The following PRDM5 variants were observed in gnomAD, a reference collection of about 807,000 sequenced individuals.
PRDM5 encodes the protein PR/SET domain 5, also known as PR domain zinc finger protein 5.
In PRDM5, 56 loss-of-function variants were observed where a neutral mutation model predicts 81.2. The ratio of observed to expected loss-of-function variants is 0.69; its 90% CI spans 0.56 to 0.86. PRDM5 has a LOEUF of 0.86. Among genes scored for constraint, PRDM5 ranks in the 40% least tolerant of loss-of-function variants. PRDM5 has a pLI of 0.00. For synonymous variants in PRDM5, 267 were observed against 256.4 expected, an observed-to-expected ratio of 1.04 and a Z score of -0.39; for missense variants, 697 against 770.1, an observed-to-expected ratio of 0.91 and a Z score of 1.12.
chr4:120,793,192 C>T (rs997834381), intron 10 of PRDM5, among the ~76,000 whole-genome samples: 21 of 152,208 alleles, frequency 1.4e-4, no homozygotes, highest in Middle Eastern at 3.4e-3. Context: ...CCTGTGAGAT[C>T]AGTGGCGGCA....
chr4:120,807,301 C>T lies in PRDM5; in HGVS notation c.945+4069G>A, dbSNP rs965641042. Among the ~76,000 whole-genome samples the T allele has an allele frequency of 5.9e-5, 9 of 152,182 alleles. No homozygotes were observed. In the East Asian group the frequency reaches 9.6e-4, roughly 16 times the overall value. On this transcript the variant is annotated intron_variant, in intron 8 of 15. Coordinates refer to ENST00000264808, the MANE Select transcript of PRDM5 (RefSeq NM_018699.4). ...GTGGAAGACAGTGTAGTGATTCCTC[C>T]GGGAGCTAGAACTAGAAATACCATT...
chr4:120,778,484 CTTG>C (rs1748509916), intron 12 of PRDM5, among the ~76,000 whole-genome samples: 1 of 152,006 alleles, frequency 6.6e-6, no homozygotes, highest in Admixed American at 6.6e-5. Flanking sequence ...TCCATATTAA[CTTG>C]TTAACATTAA....
intron 6 of PRDM5, 33 bp downstream of exon 6, chr4:120,816,799 T>C (rs545128798): frequency 3.2e-6 from 5 of 1,580,242 alleles, no homozygotes; most frequent in Admixed American, 1.7e-5. Flanking sequence ...CCCACAATTA[T>C]ATAACAGCCA....
intron 2 of PRDM5, among the ~76,000 whole-genome samples, chr4:120,859,200 C>A (rs1760271950): frequency 1.3e-5 from 2 of 150,608 alleles, no homozygotes; most frequent in African/African-American, 4.9e-5. Context: ...AACATACATA[C>A]CATGTCAACT....
At chr4:120,717,930 C>A (rs954975864) in intron 14 of PRDM5, among the ~76,000 whole-genome samples, 14 of 151,958 alleles carry the variant, frequency 9.2e-5, no homozygotes, top group Non-Finnish European at 2.1e-4. Context: ...CTTAATAGTT[C>A]TCTTTCATGA....
At position 120,771,850 on chromosome 4, in the gene PRDM5, C is replaced by T. The variant is rs190213099; in HGVS notation, c.1537+5338G>A. On this transcript the variant is annotated intron_variant, in intron 13 of 15. Coordinates refer to ENST00000264808, the MANE Select transcript of PRDM5 (RefSeq NM_018699.4). ...CAATTCATTTAACTTTGGAAAAGTA[C>T]TCTTAACAAGGAGTGATATTATAGA... Among the ~76,000 whole-genome samples the T allele has an allele frequency of 3.1e-3, 471 of 152,232 alleles. 3 individuals are homozygous for T. The highest frequency in any genetic ancestry group is 0.011 in the African/African-American group (458 of 41,554).
At position 120,692,245 on chromosome 4, in the gene PRDM5, TG is replaced by T. The variant is rs1734101261; in HGVS notation, c.*2865del. 1 of 152,124 alleles carries T rather than the reference TG, an allele frequency of 6.6e-6. No individual in the cohort carries two copies. Among genetic ancestry groups the T allele is most frequent in the African/African-American group, 2.4e-5 (1 of 41,454 alleles). The allele number at this position is 152,124 out of a possible 1,614,324, so 9.4% of individuals were successfully genotyped here. Reference sequence around the variant, plus strand: ...CAGAAACTAAGGCTGTAAGACCTTCTGTAATACATGTTCACACTCATGCATG... The same window carrying T: ...CAGAAACTAAGGCTGTAAGACCTTCTTAATACATGTTCACACTCATGCATG... On this transcript the variant is annotated 3_prime_UTR_variant, in exon 16 of 16. Transcript: ENST00000264808.
chr4:120,769,978 C>T (rs578054871), intron 13 of PRDM5, among the ~76,000 whole-genome samples: 7 of 152,150 alleles, frequency 4.6e-5, no homozygotes, highest in African/African-American at 7.2e-5. Context: ...TGCATCTACA[C>T]GGTTGCTCTC....
At chr4:120,878,959 T>C (rs1762583054) in intron 2 of PRDM5, among the ~76,000 whole-genome samples, 1 of 152,194 alleles carries the variant, frequency 6.6e-6, no homozygotes, top group Admixed American at 6.5e-5. Context: ...TGGTACAGCC[T>C]CTTTGGAAGA....
At chr4:120,802,775 C>T (rs576474360) in intron 8 of PRDM5, among the ~76,000 whole-genome samples, 2 of 152,254 alleles carry the variant, frequency 1.3e-5, no homozygotes, top group South Asian at 4.1e-4. Flanking sequence ...AGCAGAAAAG[C>T]TGAAAATTTT....
intron 13 of PRDM5, among the ~76,000 whole-genome samples, chr4:120,774,272 T>C (rs1747729445): frequency 6.6e-6 from 1 of 152,168 alleles, no homozygotes; most frequent in African/African-American, 2.4e-5. Flanking sequence ...CCCTAAATAA[T>C]GTACAACTAA....
intron 8 of PRDM5, among the ~76,000 whole-genome samples, chr4:120,801,566 A>T (rs1752122479): frequency 6.6e-6 from 1 of 152,262 alleles, no homozygotes. Context: ...ATGTCATTCC[A>T]CAAGAGTCTG....
intron 13 of PRDM5, among the ~76,000 whole-genome samples, chr4:120,773,472 T>C (rs1270895623): frequency 6.6e-6 from 1 of 152,130 alleles, no homozygotes; most frequent in South Asian, 2.1e-4. Context: ...AAAGTAAACA[T>C]AAAAGATCTG....
intron 14 of PRDM5, 53 bp downstream of exon 14, chr4:120,754,500 A>T: frequency 1.6e-6 from 2 of 1,273,560 alleles, no homozygotes; most frequent in Non-Finnish European, 2.3e-6. Flanking sequence ...TATTTCTTTT[A>T]AAATAAGTAT....
At chr4:120,816,357 A>C in intron 7 of PRDM5, 96 bp downstream of exon 7, 1 of 1,599,538 alleles carries the variant, frequency 6.3e-7, no homozygotes, top group Non-Finnish European at 8.6e-7. Flanking sequence ...ACAATGGAAA[A>C]GCCAGCTCTC....
intron 11 of PRDM5, among the ~76,000 whole-genome samples, chr4:120,782,607 G>A (rs34821143): frequency 1.3e-5 from 2 of 152,132 alleles, no homozygotes; most frequent in Non-Finnish European, 2.9e-5. Context: ...TACAATGCAT[G>A]AACTATGTGG....
chr4:120,825,093 C>A (rs910522957), intron 3 of PRDM5, among the ~76,000 whole-genome samples: 3 of 152,094 alleles, frequency 2.0e-5, no homozygotes, highest in Non-Finnish European at 2.9e-5. Flanking sequence ...GCTCAGGGTT[C>A]AAAGTCTCAC....
chr4:120,853,556 C>T lies in PRDM5; in HGVS notation c.178-16G>A. 1 of 1,613,478 alleles carries T rather than the reference C, an allele frequency of 6.2e-7. No homozygotes were observed. Among genetic ancestry groups the T allele is most frequent in the Non-Finnish European group, 8.5e-7 (1 of 1,179,552 alleles). On this transcript the variant is annotated splice_polypyrimidine_tract_variant and intron_variant, in intron 2 of 15. Coordinates refer to ENST00000264808, the MANE Select transcript of PRDM5 (RefSeq NM_018699.4). ...TCCCACGAACCTGAAACATTAAAGGCTCCTGAGTTTACAATGGAAGTCAGA... is the reference window on the plus strand; with the variant it reads ...TCCCACGAACCTGAAACATTAAAGGTTCCTGAGTTTACAATGGAAGTCAGA...
intron 2 of PRDM5, among the ~76,000 whole-genome samples, chr4:120,892,247 T>C (rs1431035376): frequency 6.6e-6 from 1 of 152,120 alleles, no homozygotes; most frequent in Non-Finnish European, 1.5e-5. Context: ...TGTGGTCAAT[T>C]TTAGAGTATG....
Sources: gnomAD v4.1 joint callset for allele counts (sites outside exome capture counted in the v4.1 genomes callset) on GRCh38, gnomAD v4.1.1 for gene constraint, MANE v1.5 for transcripts, NCBI Gene and HGNC (gene_info 2026-07-23, HGNC 2026-07-21) for gene names.